COL25A1: variants seen among roughly 807,000 people sequenced by gnomAD.
COL25A1 encodes the protein collagen type XXV alpha 1 chain, also known as collagen alpha-1(XXV) chain.
Under a neutral mutation model 128.4 loss-of-function variants are expected in COL25A1, and 103 were observed. That is an observed-to-expected ratio of 0.80 (90% confidence interval 0.68 to 0.94). COL25A1 has a LOEUF of 0.94. Ranked by LOEUF, COL25A1 falls within the 40% of genes least tolerant of loss-of-function variation. The pLI, the probability that COL25A1 is intolerant of heterozygous loss-of-function variation, is 0.00. For synonymous variants in COL25A1, 279 were observed against 277.2 expected (o/e 1.01, Z -0.06); for missense variants, 745 against 840.0 (o/e 0.89, Z 1.40).
intron 22 of COL25A1, among the ~76,000 whole-genome samples, chr4:108,862,197 T>C (rs1329865307): frequency 6.6e-6 from 1 of 152,140 alleles, no homozygotes; most frequent in Admixed American, 6.6e-5. Flanking sequence ...GATTATACAA[T>C]ACACAATTTA....
chr4:109,133,554 T>C (rs560244727), intron 3 of COL25A1, among the ~76,000 whole-genome samples: 2 of 152,260 alleles, frequency 1.3e-5, no homozygotes, highest in Non-Finnish European at 2.9e-5. Context: ...GTTAGGAAAG[T>C]CTTCTCTCCT....
intron 27 of COL25A1, 74 bp downstream of exon 27, chr4:108,848,685 T>G: frequency 9.9e-7 from 1 of 1,009,040 alleles, no homozygotes; most frequent in South Asian, 1.3e-5. Flanking sequence ...CATGACATTT[T>G]GGCTTCAAAC....
At chr4:109,198,228 C>T (rs1445438099) in intron 3 of COL25A1, among the ~76,000 whole-genome samples, 1 of 151,336 alleles carries the variant, frequency 6.6e-6, no homozygotes, top group African/African-American at 2.4e-5. Flanking sequence ...AGAAATAATT[C>T]ATCTTTTCTT....
At chr4:108,821,672 G>A (rs1731784535) in intron 35 of COL25A1, among the ~76,000 whole-genome samples, 2 of 152,126 alleles carry the variant, frequency 1.3e-5, no homozygotes, top group Non-Finnish European at 1.5e-5. Context: ...ATATTTTAGT[G>A]AGCCTCAAGC....
chr4:109,006,237 T>C (rs1422248470), intron 6 of COL25A1, among the ~76,000 whole-genome samples: 2 of 142,132 alleles, frequency 1.4e-5, no homozygotes, highest in South Asian at 2.5e-4. Flanking sequence ...GGGTGGCGGG[T>C]GGGTCTCACT....
intron 6 of COL25A1, 97 bp from the exon 7 acceptor site, chr4:108,974,656 C>G: frequency 1.0e-6 from 1 of 988,682 alleles, no homozygotes; most frequent in Middle Eastern, 3.2e-4. Context: ...TCAAAGAATA[C>G]AGAGATAGCT....
intron 13 of COL25A1, among the ~76,000 whole-genome samples, chr4:108,912,017 A>G (rs1036787061): frequency 6.6e-6 from 1 of 152,184 alleles, no homozygotes; most frequent in Non-Finnish European, 1.5e-5. Context: ...TTTTATTTCA[A>G]GCCAGCAGGA....
At chr4:109,270,334 C>A (rs1782109481) in intron 3 of COL25A1, among the ~76,000 whole-genome samples, 1 of 152,088 alleles carries the variant, frequency 6.6e-6, no homozygotes, top group Non-Finnish European at 1.5e-5. Flanking sequence ...TTGTCTCAGC[C>A]CAAAATCTCC....
Position 109,296,329 on chromosome 4 carries a change from T to C in COL25A1, c.367+4254A>G, listed in dbSNP as rs111619282. Among the ~76,000 whole-genome samples, 425 of 152,084 alleles carry C rather than the reference T, an allele frequency of 2.8e-3. 2 individuals are homozygous for C. Among genetic ancestry groups the C allele is most frequent in the African/African-American group, 9.6e-3 (400 of 41,538 alleles). ...TTATTTTCCCCAGAGAAAAGAAAAA[T>C]AAAATCTTTGGGTTTACAAAAATGG... On this transcript the variant is annotated intron_variant, in intron 3 of 37. Transcript: ENST00000399132.
chr4:109,027,046 T>G (rs1758367149), intron 5 of COL25A1, among the ~76,000 whole-genome samples: 1 of 152,234 alleles, frequency 6.6e-6, no homozygotes, highest in Admixed American at 6.5e-5. Context: ...TTCATTCACA[T>G]AATATTTGTT....
intron 3 of COL25A1, among the ~76,000 whole-genome samples, chr4:109,203,985 T>C (rs891219369): frequency 6.6e-6 from 1 of 152,148 alleles, no homozygotes; most frequent in African/African-American, 2.4e-5. Flanking sequence ...AATAACAGAA[T>C]AAAATCTTCA....
At chr4:108,995,765 A>G (rs1409904452) in intron 6 of COL25A1, among the ~76,000 whole-genome samples, 1 of 152,198 alleles carries the variant, frequency 6.6e-6, no homozygotes, top group African/African-American at 2.4e-5. Context: ...CTAACAGTGG[A>G]TCTCTCGGCA....
At chr4:109,245,472 G>T (rs1780196777) in intron 3 of COL25A1, among the ~76,000 whole-genome samples, 11 of 152,174 alleles carry the variant, frequency 7.2e-5, no homozygotes. Context: ...GTGGAGCATG[G>T]TGATGACAGA....
rs562426566 is a variant in COL25A1 at position 109,046,822 on chromosome 4, G to A, written c.420+1346C>T. ...GATAAGTTGCCAACGTGGAGTCTGC[G>A]AACCTTGGAGCAAACTGACTATCCA... On this transcript the variant is annotated intron_variant, in intron 5 of 37. Transcript: ENST00000399132. 8.5e-5 allele frequency among the ~76,000 whole-genome samples: 13 copies of A among 152,300 alleles called. No homozygotes were observed. In the South Asian group the frequency reaches 1.9e-3, roughly 22 times the overall value.
intron 6 of COL25A1, among the ~76,000 whole-genome samples, chr4:108,989,368 T>C (rs990006259): frequency 1.3e-5 from 2 of 152,162 alleles, no homozygotes; most frequent in African/African-American, 4.8e-5. Context: ...CTATGTTTAT[T>C]TTTTTTCAAG....
intron 16 of COL25A1, among the ~76,000 whole-genome samples, chr4:108,892,915 G>T (rs1405061818): frequency 6.6e-6 from 1 of 152,186 alleles, no homozygotes; most frequent in Non-Finnish European, 1.5e-5. Context: ...GTGATGAGGA[G>T]TCAGGGGGCG....
At chr4:109,289,090 T>A (rs543846423) in intron 3 of COL25A1, among the ~76,000 whole-genome samples, 1 of 152,164 alleles carries the variant, frequency 6.6e-6, no homozygotes, top group South Asian at 2.1e-4. Flanking sequence ...TGTACACCTA[T>A]GGAAAACTGC....
At chr4:109,101,952 A>G (rs903320104) in intron 3 of COL25A1, among the ~76,000 whole-genome samples, 1 of 152,134 alleles carries the variant, frequency 6.6e-6, no homozygotes, top group African/African-American at 2.4e-5. Flanking sequence ...CATTATCCAG[A>G]CTATCAATTT....
chr4:109,156,352 T>C (rs1049758024), intron 3 of COL25A1, among the ~76,000 whole-genome samples: 4 of 152,198 alleles, frequency 2.6e-5, no homozygotes, highest in African/African-American at 7.2e-5. Flanking sequence ...TTGATTTTTT[T>C]CCCCCAAAGC....
Sources: gnomAD v4.1 joint callset for allele counts (sites outside exome capture counted in the v4.1 genomes callset) on GRCh38, gnomAD v4.1.1 for gene constraint, MANE v1.5 for transcripts, NCBI Gene and HGNC (gene_info 2026-07-23, HGNC 2026-07-21) for gene names.